UBE2V2: variants seen among roughly 807,000 people sequenced by gnomAD.
UBE2V2 encodes ubiquitin-conjugating enzyme E2 variant 2.
Under a neutral mutation model 17.2 loss-of-function variants are expected in UBE2V2, and 9 were observed. That is an observed-to-expected ratio of 0.52 (90% CI 0.32 to 0.91). UBE2V2 has a LOEUF of 0.91. UBE2V2 is among the 40% of genes least tolerant of loss of function. UBE2V2 has a pLI of 0.04. For synonymous variants in UBE2V2, 61 were observed against 57.5 expected (o/e 1.06, Z -0.28); for missense variants, 133 against 182.6 (o/e 0.73, Z 1.56).
chr8:48,040,896 A>G (rs183764353), intron 1 of UBE2V2, among the ~76,000 whole-genome samples: 4,289 of 114,002 alleles, frequency 0.038, 97 homozygotes, highest in Non-Finnish European at 0.055. Flanking sequence ...ACAGAGTCTC[A>G]CTCTGTCACC....
At chr8:48,057,490 C>T (rs1019437648) in intron 3 of UBE2V2, among the ~76,000 whole-genome samples, 20 of 151,152 alleles carry the variant, frequency 1.3e-4, no homozygotes, top group Non-Finnish European at 2.2e-4. Flanking sequence ...TTAGTAGAGA[C>T]GGGGGTTTTG....
intron 1 of UBE2V2, among the ~76,000 whole-genome samples, chr8:48,040,665 C>T (rs1301415275): frequency 6.6e-6 from 1 of 152,000 alleles, no homozygotes; most frequent in Non-Finnish European, 1.5e-5. Context: ...GAGACAGTCT[C>T]GCTCTGTCTC....
chr8:48,025,802 G>A (rs965509284), intron 1 of UBE2V2, among the ~76,000 whole-genome samples: 2 of 150,678 alleles, frequency 1.3e-5, no homozygotes, highest in African/African-American at 2.4e-5. Flanking sequence ...GGGTTTCTCC[G>A]TGTTAGCCAG....
chr8:48,032,396 G>A (rs2091389565), intron 1 of UBE2V2, among the ~76,000 whole-genome samples: 1 of 152,062 alleles, frequency 6.6e-6, no homozygotes, highest in East Asian at 1.9e-4. Context: ...ATAGTTTTTA[G>A]TATTAAATCT....
intron 3 of UBE2V2, among the ~76,000 whole-genome samples, chr8:48,052,897 T>G (rs1258628701): frequency 6.6e-6 from 1 of 152,198 alleles, no homozygotes; most frequent in East Asian, 1.9e-4. Flanking sequence ...CCTTCATTTC[T>G]CACTGTAAAT....
At position 48,060,975 on chromosome 8, in the gene UBE2V2, A is replaced by C. The variant is rs1802583642; in HGVS notation, c.*147A>C. On this transcript the variant is annotated 3_prime_UTR_variant, in exon 4 of 4. Transcript: ENST00000523111. ...GGACATTTGTAAGAATATATTTAAT[A>C]TATGTACACCCATTATGTTTTCAGG... 1.3e-6 allele frequency: 1 copy of C among 741,486 alleles called. No homozygotes were observed. Among genetic ancestry groups the C allele is most frequent in the Admixed American group, 4.2e-5 (1 of 23,584 alleles). 45.9% of individuals were successfully genotyped at this position (741,486 alleles called of 1,614,324 possible). A position where few individuals can be genotyped will look rare whatever the true frequency, so the allele number is the denominator to read the frequency against.
At chr8:48,035,865 TGGGTGACA>T (rs1183754898) in intron 1 of UBE2V2, among the ~76,000 whole-genome samples, 2 of 150,412 alleles carry the variant, frequency 1.3e-5, no homozygotes, top group Non-Finnish European at 3.0e-5. Context: ...CACTGTAGCC[TGGGTGACA>T]GAGTGACACT....
At chr8:48,008,895 G>C (rs1039355283) in intron 1 of UBE2V2, among the ~76,000 whole-genome samples, 2 of 152,170 alleles carry the variant, frequency 1.3e-5, no homozygotes, top group African/African-American at 4.8e-5. Context: ...TCAGAGTAGG[G>C]GTCCCATTCC....
chr8:48,033,786 C>T (rs941496593), intron 1 of UBE2V2, among the ~76,000 whole-genome samples: 1 of 151,838 alleles, frequency 6.6e-6, no homozygotes, highest in Non-Finnish European at 1.5e-5. Context: ...GGCAAAACCC[C>T]GTCTCTACAA....
intron 1 of UBE2V2, among the ~76,000 whole-genome samples, chr8:48,036,682 G>A (rs949097121): frequency 2.0e-5 from 3 of 150,886 alleles, no homozygotes; most frequent in African/African-American, 7.3e-5. Flanking sequence ...TGATCCACCC[G>A]CCTTGGCCTC....
At chr8:48,043,479 T>G (rs45480301) in intron 2 of UBE2V2, 3,848 of 188,972 alleles carry the variant, frequency 0.02, 110 homozygotes, top group East Asian at 0.074. Flanking sequence ...CTACGGGACT[T>G]TAGAATATGT....
chr8:48,013,147 G>A (rs566523591), intron 1 of UBE2V2, among the ~76,000 whole-genome samples: 6 of 151,608 alleles, frequency 4.0e-5, no homozygotes, highest in South Asian at 2.1e-4. Flanking sequence ...ATCTGGCTTC[G>A]CTGTTAATTT....
intron 1 of UBE2V2, among the ~76,000 whole-genome samples, chr8:48,035,707 C>G (rs1292188679): frequency 6.3e-4 from 17 of 26,858 alleles, no homozygotes; most frequent in East Asian, 1.0e-3. Context: ...AGACTGGGCC[C>G]GGGTTCAAGT....
chr8:48,005,022 CT>C (rs111769503), upstream of UBE2V2, among the ~76,000 whole-genome samples: 911 of 138,026 alleles, frequency 6.6e-3, 3 homozygotes, highest in East Asian at 0.032. Flanking sequence ...ACTTTTTCTC[CT>C]TTTTTTTTTT....
chr8:48,043,385 T>A (rs531424331), intron 2 of UBE2V2: 9 of 383,840 alleles, frequency 2.3e-5, no homozygotes, highest in African/African-American at 1.0e-4. Flanking sequence ...GTTGATATGG[T>A]CATTGCCATC....
Position 48,033,918 on chromosome 8 carries a change from C to T in UBE2V2, c.17-9115C>T, listed in dbSNP as rs192706958. Among the ~76,000 whole-genome samples, 199 of 152,200 alleles carry T rather than the reference C, an allele frequency of 1.3e-3. 2 individuals carry two copies. Among genetic ancestry groups the T allele is most frequent in the East Asian group, 2.9e-3 (15 of 5,168 alleles). ...GCTGCAGTGAGTTTTGATTAAGCCA[C>T]TGTGCTCTAGCCTGGGCAATAGAGG... On this transcript the variant is annotated intron_variant, in intron 1 of 3. Transcript: ENST00000523111.
Position 48,062,282 on chromosome 8 carries a change from T to C in UBE2V2, c.*1454T>C, listed in dbSNP as rs917813536. On this transcript the variant is annotated 3_prime_UTR_variant, in exon 4 of 4. Coordinates refer to ENST00000523111, the MANE Select transcript of UBE2V2 (RefSeq NM_003350.3). ...ACCAAAACCTTATCAAATATTAAAT[T>C]AGTTGTTTAAACTTTGCTTATAAAG... 2.0e-5 allele frequency: 3 copies of C among 152,194 alleles called. No individual in the cohort carries two copies. The highest frequency in any genetic ancestry group is 4.4e-5 in the Non-Finnish European group (3 of 68,028). The allele number at this position is 152,194 out of a possible 1,614,324, so 9.4% of individuals were successfully genotyped here. A position where few individuals can be genotyped will look rare whatever the true frequency, so the allele number is the denominator to read the frequency against.
intron 2 of UBE2V2, among the ~76,000 whole-genome samples, chr8:48,048,785 T>C (rs2091516977): frequency 2.6e-5 from 4 of 152,156 alleles, no homozygotes; most frequent in Admixed American, 2.6e-4. Context: ...GTGAGATCTG[T>C]AGATGGTTGG....
At chr8:48,057,461 C>T (rs1483025910) in intron 3 of UBE2V2, among the ~76,000 whole-genome samples, 1 of 151,902 alleles carries the variant, frequency 6.6e-6, no homozygotes, top group Non-Finnish European at 1.5e-5. Context: ...ACCACCACGC[C>T]CGGCTAATTT....
Sources: allele counts gnomAD v4.1 joint callset (sites outside exome capture counted in the v4.1 genomes callset), GRCh38; gene constraint gnomAD v4.1.1; transcripts MANE v1.5; gene names NCBI Gene and HGNC (gene_info 2026-07-23, HGNC 2026-07-21).